SLC12A7: variants seen among roughly 807,000 people sequenced by gnomAD.
The protein encoded by SLC12A7 is K-Cl cotransporter 4.
In SLC12A7, 100 loss-of-function variants were observed where a neutral mutation model predicts 120.6. The ratio of observed to expected loss-of-function variants is 0.83; its 90% CI spans 0.71 to 0.98. The LOEUF (loss-of-function observed/expected upper bound fraction) is 0.98. Ranked by LOEUF, SLC12A7 falls within the 50% of genes least tolerant of loss-of-function variation. The pLI is 0.00. For missense variants in SLC12A7, 1,373 were observed against 1,548.1 expected (o/e 0.89, Z 1.90); for synonymous variants, 760 against 678.0 (o/e 1.12, Z -1.88).
intron 22 of SLC12A7, among the ~76,000 whole-genome samples, chr5:1,055,651 A>C (rs370381742): frequency 1.3e-5 from 2 of 152,186 alleles, no homozygotes; most frequent in African/African-American, 4.8e-5. Flanking sequence ...CGCCCCGACC[A>C]AGGGGAGGCA....
At chr5:1,104,676 GGGGGTGCGTGT>G (rs994186849) in intron 1 of SLC12A7, among the ~76,000 whole-genome samples, 11 of 152,070 alleles carry the variant, frequency 7.2e-5, no homozygotes, top group Non-Finnish European at 1.2e-4. Flanking sequence ...AGGCCCACCG[GGGGGTGCGTGT>G]GGGGTGCGTG....
At chr5:1,057,417 C>A in intron 22 of SLC12A7, 54 bp downstream of exon 22, 1 of 1,531,086 alleles carries the variant, frequency 6.5e-7, no homozygotes, top group Non-Finnish European at 8.8e-7. Context: ...TCCTCACTGC[C>A]GGGCCAGCAC....
chr5:1,127,336 C>T, the SLC12A7 span, among the ~76,000 whole-genome samples: 1 of 152,190 alleles, frequency 6.6e-6, no homozygotes, highest in Non-Finnish European at 1.5e-5. Flanking sequence ...ATATGGACAG[C>T]TTTGAGGCCA....
At chr5:1,074,437 C>G in intron 16 of SLC12A7, 130 bp downstream of exon 16, 1 of 798,846 alleles carries the variant, frequency 1.3e-6, no homozygotes. Context: ...AGGCAGTGTT[C>G]ACACCCCAGA....
rs1354395478 is a variant in SLC12A7 at position 1,086,935 on chromosome 5, T to C, written c.643A>G (p.Met215Val). 21 of 1,612,706 alleles carry C rather than the reference T, an allele frequency of 1.3e-5. No individual in the cohort carries two copies. The highest frequency in any genetic ancestry group is 1.7e-5 in the Non-Finnish European group (20 of 1,179,988). ...FYLGTTFAGA[M>V]YILGTIEIFL... The stretch of plus-strand genomic sequence containing the variant: ...ATCTCGATGGTCCCCAAAATATACA[T>C]GGCCCCTGCAAACGTCGTGCCCAGG... Residue 215 changes from methionine to valine, a missense_variant, in exon 6 of 24, where the codon ATG becomes GTG. Physicochemically the swap from Met to Val is conservative, Grantham distance 21. Transcript: ENST00000264930.
chr5:1,104,055 C>G (rs1742272319), intron 1 of SLC12A7, among the ~76,000 whole-genome samples: 3 of 152,234 alleles, frequency 2.0e-5, no homozygotes, highest in African/African-American at 7.2e-5. Flanking sequence ...CAGGCTGCCT[C>G]TGGGCTGCGG....
chr5:1,084,323 G>A lies in SLC12A7; in HGVS notation c.918-367C>T, dbSNP rs149066500. ...AAACAATTCACACGTTTTCCACCGC[G>A]CGGTGCCGAGTAGTGAGGTGGAACC... On this transcript the variant is annotated intron_variant, in intron 7 of 23. Transcript: ENST00000264930. Among the ~76,000 whole-genome samples the A allele has an allele frequency of 2.0e-3, 302 of 152,264 alleles. 1 individual carries two copies. Among genetic ancestry groups the A allele is most frequent in the African/African-American group, 6.8e-3 (283 of 41,564 alleles).
intron 7 of SLC12A7, among the ~76,000 whole-genome samples, chr5:1,084,290 C>T (rs914656074): frequency 6.6e-6 from 1 of 152,210 alleles, no homozygotes; most frequent in Non-Finnish European, 1.5e-5. Context: ...ATGAAGCGTT[C>T]TAGACGTAAA....
At chr5:1,083,429 G>A (rs933918940) in intron 8 of SLC12A7, among the ~76,000 whole-genome samples, 1 of 152,216 alleles carries the variant, frequency 6.6e-6, no homozygotes, top group Non-Finnish European at 1.5e-5. Context: ...TTACCGCCCA[G>A]CTACCACTCC....
chr5:1,074,751 G>T, intron 15 of SLC12A7, 80 bp from the exon 16 acceptor site: 1 of 1,361,272 alleles, frequency 7.3e-7, no homozygotes. Flanking sequence ...ACTTCTGGGG[G>T]CAGGTGAGTT....
chr5:1,093,769 G>C, intron 2 of SLC12A7, 114 bp from the exon 3 acceptor site: 1 of 1,476,278 alleles, frequency 6.8e-7, no homozygotes, highest in Non-Finnish European at 9.1e-7. Flanking sequence ...TCAGCCCCTG[G>C]GTCTGAAGCA....
At position 1,057,513 on chromosome 5, in the gene SLC12A7, T is replaced by A. The variant is rs73731146; in HGVS notation, c.2984A>T (p.Asp995Val). The A allele has an allele frequency of 3.6e-4, 578 of 1,613,240 alleles. 3 individuals carry two copies. In the African/African-American group the frequency reaches 7.2e-3, roughly 20 times the overall value. The change falls in exon 22 of 24, where the codon GAC becomes GTC. Residue 995 changes from aspartate (D) to valine (V), a missense_variant. Asp to Val is a radical substitution (Grantham distance 152, BLOSUM62 -3). Transcript: ENST00000264930. Reference sequence around the variant, plus strand: ...GTCTTTGAAACCAGATAGGCTGGTGTCTCTGCTCCTGTACTTCTCAGCGAT... The same window carrying A: ...GTCTTTGAAACCAGATAGGCTGGTGACTCTGCTCCTGTACTTCTCAGCGAT... ...KLIAEKYRSR[D>V]TSLSGFKDLF...
At chr5:1,083,643 A>C in intron 8 of SLC12A7, 102 bp downstream of exon 8, 7 of 1,214,164 alleles carry the variant, frequency 5.8e-6, no homozygotes, top group Non-Finnish European at 8.3e-6. Context: ...GGCAGGAGGA[A>C]TTGGGGCCCT....
intron 1 of SLC12A7, among the ~76,000 whole-genome samples, chr5:1,098,151 CTG>C: frequency 8.5e-6 from 1 of 117,260 alleles, no homozygotes; most frequent in East Asian, 2.9e-4. Context: ...CCACAACCCT[CTG>C]CAAGCCCAGC....
chr5:1,094,214 G>T lies in SLC12A7; in HGVS notation c.159C>A (p.Leu53=), dbSNP rs1269686096. Residue 53 remains leucine, a synonymous_variant, in exon 2 of 24, where the codon CTC becomes CTA. Transcript: ENST00000264930. ...DGNPRENSPF[L]NNVEVEQESF... Reference sequence around the variant, plus strand: ...TCTCTTGTTCCACCTCGACATTGTTGAGGAATGGGCTGTTTTCTCTTGGAT... The same window carrying T: ...TCTCTTGTTCCACCTCGACATTGTTTAGGAATGGGCTGTTTTCTCTTGGAT... The T allele has an allele frequency of 6.2e-7, 1 of 1,613,604 alleles. No individual in the cohort carries two copies. Among genetic ancestry groups the T allele is most frequent in the Non-Finnish European group, 8.5e-7 (1 of 1,179,794 alleles).
At chr5:1,093,284 C>T (rs979184192) in intron 3 of SLC12A7, among the ~76,000 whole-genome samples, 15 of 152,132 alleles carry the variant, frequency 9.9e-5, no homozygotes, top group Non-Finnish European at 1.9e-4. Flanking sequence ...GTTCATTTCT[C>T]GACAGGGAAC....
the SLC12A7 span, among the ~76,000 whole-genome samples, chr5:1,150,758 C>T: frequency 6.6e-6 from 1 of 152,346 alleles, no homozygotes; most frequent in South Asian, 2.1e-4. Context: ...ACACGACGGC[C>T]GAGCTCCATG....
chr5:1,078,541 A>G lies in SLC12A7; in HGVS notation c.1454+160T>C, dbSNP rs1290944572. 6.0e-6 allele frequency: 4 copies of G among 665,908 alleles called. No individual in the cohort carries two copies. The African/African-American group carries it at 7.2e-5, about 12-fold the overall frequency. The allele number at this position is 665,908 out of a possible 1,614,324, so 41.2% of individuals were successfully genotyped here. On this transcript the variant is annotated intron_variant, in intron 11 of 23. Coordinates refer to ENST00000264930, the MANE Select transcript of SLC12A7 (RefSeq NM_006598.3). ...GCCCTAGGCTCCAGCGGAAGAGACG[A>G]CACATCAGACCAAGGGATCCCAACC...
At chr5:1,152,677 G>A in the SLC12A7 span, among the ~76,000 whole-genome samples, 2 of 152,196 alleles carry the variant, frequency 1.3e-5, no homozygotes, top group East Asian at 1.9e-4. Context: ...GAACGGAGAC[G>A]CCCCCCGGAC....
Sources: gnomAD v4.1 joint callset for allele counts (sites outside exome capture counted in the v4.1 genomes callset) on GRCh38, gnomAD v4.1.1 for gene constraint, MANE v1.5 for transcripts, NCBI Gene and HGNC (gene_info 2026-07-23, HGNC 2026-07-21) for gene names.